Variants in RIC1 observed in about 807,000 individuals in gnomAD.
The protein encoded by RIC1 is guanine nucleotide exchange factor subunit RIC1.
In RIC1, 88 loss-of-function variants were observed where a neutral mutation model predicts 169.0. That is an observed-to-expected ratio of 0.52 (90% CI 0.44 to 0.62). The LOEUF (loss-of-function observed/expected upper bound fraction) is 0.62, where lower values mean the gene tolerates loss of function less well. Among genes scored for constraint, RIC1 ranks in the 20% least tolerant of loss-of-function variants. The pLI is 0.00. For synonymous variants in RIC1, 790 were observed against 601.5 expected (o/e 1.31, Z -4.59); for missense variants, 1,877 against 1,725.5 (o/e 1.09, Z -1.56).
rs974445563 is a variant in RIC1 at position 5,775,478 on chromosome 9, A to G, written c.*1232A>G. On this transcript the variant is annotated 3_prime_UTR_variant, in exon 26 of 26. Transcript: ENST00000414202. ...TTGTTTGTACTGTGCAATTTGAACA[A>G]GGAATGCAATGTTATTTTTTACAAA... 1 of 152,190 alleles carries G rather than the reference A, an allele frequency of 6.6e-6. No individual in the cohort carries two copies. The highest frequency in any genetic ancestry group is 1.5e-5 in the Non-Finnish European group (1 of 68,036). The allele number at this position is 152,190 out of a possible 1,614,324, so 9.4% of individuals were successfully genotyped here.
At chr9:5,678,705 T>C (rs1820611481) in intron 2 of RIC1, among the ~76,000 whole-genome samples, 1 of 152,246 alleles carries the variant, frequency 6.6e-6, no homozygotes, top group Non-Finnish European at 1.5e-5. Context: ...GTTTTTTTCT[T>C]GTAAATTTGT....
intron 6 of RIC1, among the ~76,000 whole-genome samples, chr9:5,730,242 G>C (rs1455448473): frequency 1.3e-5 from 2 of 152,118 alleles, no homozygotes; most frequent in Non-Finnish European, 2.9e-5. Context: ...AACCTCCTGA[G>C]GACTAAAAGA....
At chr9:5,737,622 A>G (rs1232519772) in intron 7 of RIC1, among the ~76,000 whole-genome samples, 3 of 144,582 alleles carry the variant, frequency 2.1e-5, no homozygotes, top group Non-Finnish European at 4.5e-5. Flanking sequence ...TTAAACGTAT[A>G]TACTGTTGAC....
At chr9:5,686,736 C>T (rs1424274631) in intron 2 of RIC1, among the ~76,000 whole-genome samples, 2 of 151,748 alleles carry the variant, frequency 1.3e-5, no homozygotes, top group African/African-American at 2.4e-5. Flanking sequence ...ATGTAACTAA[C>T]CTGCACAATG....
intron 2 of RIC1, among the ~76,000 whole-genome samples, chr9:5,674,119 A>G (rs868568391): frequency 7.2e-5 from 11 of 152,154 alleles, no homozygotes; most frequent in Non-Finnish European, 7.4e-5. Context: ...AGTTTGTGCA[A>G]ATGTCCCTGG....
chr9:5,713,308 G>A (rs1429266440), intron 3 of RIC1: 2 of 152,256 alleles, frequency 1.3e-5, no homozygotes, highest in Admixed American at 1.3e-4. Flanking sequence ...GTTCAGTTAA[G>A]TTGGCATTGA....
intron 7 of RIC1, among the ~76,000 whole-genome samples, chr9:5,737,092 CT>C (rs766109993): frequency 3.3e-5 from 5 of 152,182 alleles, no homozygotes; most frequent in Middle Eastern, 3.4e-3. Context: ...CTCTTTCTCA[CT>C]ATAAATGTTG....
intron 1 of RIC1, 136 bp downstream of exon 1, chr9:5,629,589 C>G: frequency 9.8e-7 from 1 of 1,016,036 alleles, no homozygotes; most frequent in Non-Finnish European, 1.3e-6. Flanking sequence ...TCCGCGTCCT[C>G]GTTCCACCGA....
At chr9:5,754,776 A>G (rs895448463) in intron 14 of RIC1, 65 bp from the exon 15 acceptor site, 4 of 946,930 alleles carry the variant, frequency 4.2e-6, no homozygotes, top group South Asian at 1.8e-5. Flanking sequence ...ATTTTTATAA[A>G]TATATTACTT....
intron 3 of RIC1, among the ~76,000 whole-genome samples, chr9:5,691,356 C>G (rs1435429965): frequency 1.3e-5 from 2 of 151,968 alleles, no homozygotes; most frequent in African/African-American, 4.8e-5. Flanking sequence ...TTCTGCTTTT[C>G]AACTCTTAAA....
At chr9:5,702,055 A>G (rs1467875846) in intron 3 of RIC1, among the ~76,000 whole-genome samples, 6 of 152,186 alleles carry the variant, frequency 3.9e-5, no homozygotes, top group Non-Finnish European at 8.8e-5. Flanking sequence ...ATACAAGGCA[A>G]TGGTGTGAAT....
chr9:5,683,165 C>G (rs1030174974), intron 2 of RIC1, among the ~76,000 whole-genome samples: 1 of 152,186 alleles, frequency 6.6e-6, no homozygotes, highest in African/African-American at 2.4e-5. Flanking sequence ...CATTTTCCAT[C>G]AAGCTTTGTT....
chr9:5,755,814 T>C (rs544354652), intron 15 of RIC1, among the ~76,000 whole-genome samples: 2 of 152,124 alleles, frequency 1.3e-5, no homozygotes, highest in East Asian at 3.9e-4. Flanking sequence ...TCCCAGCTAC[T>C]TGGGAAGCTG....
intron 1 of RIC1, among the ~76,000 whole-genome samples, chr9:5,649,133 TAAAAA>T (rs1189200910): frequency 1.3e-5 from 2 of 151,234 alleles, no homozygotes; most frequent in Admixed American, 1.3e-4. Flanking sequence ...GACCCTATCT[TAAAAA>T]AGAAAAAAAA....
At chr9:5,726,632 C>T (rs1295073062) in intron 6 of RIC1, among the ~76,000 whole-genome samples, 1 of 152,156 alleles carries the variant, frequency 6.6e-6, no homozygotes, top group African/African-American at 2.4e-5. Context: ...TTAGTTGATG[C>T]AGTTTCTTCC....
Position 5,774,231 on chromosome 9 carries a change from C to G in RIC1, c.4257C>G (p.Asp1419Glu). The change falls in exon 26 of 26, where the codon GAC becomes GAG. Residue 1419 changes from aspartate to glutamate, a missense_variant. Physicochemically the swap from Asp to Glu is conservative, Grantham distance 45 (BLOSUM62 2). Transcript: ENST00000414202. ...EEEPFQDGTY[D>E]CSVS ...AACCTTTTCAGGATGGGACTTACGA[C>G]TGTTCTGTGTCCTAACAGTGAGGTT... 1.2e-6 allele frequency: 2 copies of G among 1,609,174 alleles called. No homozygotes were observed. Among genetic ancestry groups the G allele is most frequent in the Non-Finnish European group, 1.7e-6 (2 of 1,177,486 alleles).
chr9:5,677,586 A>G (rs1012216434), intron 2 of RIC1, among the ~76,000 whole-genome samples: 1 of 152,098 alleles, frequency 6.6e-6, no homozygotes, highest in African/African-American at 2.4e-5. Context: ...CTCTAGATAT[A>G]TAATAATTTT....
chr9:5,761,102 AC>A (rs1826304014), intron 17 of RIC1, among the ~76,000 whole-genome samples: 1 of 79,188 alleles, frequency 1.3e-5, no homozygotes, highest in Non-Finnish European at 2.7e-5. Context: ...TACCAGCCTC[AC>A]CTTTTTTTTT....
chr9:5,682,746 C>A (rs1820934953), intron 2 of RIC1, among the ~76,000 whole-genome samples: 1 of 152,228 alleles, frequency 6.6e-6, no homozygotes, highest in Admixed American at 6.5e-5. Flanking sequence ...TAATATCCTG[C>A]AGAGTGTTTT....
Sources: allele counts gnomAD v4.1 joint callset (sites outside exome capture counted in the v4.1 genomes callset), GRCh38; gene constraint gnomAD v4.1.1; transcripts MANE v1.5; gene names NCBI Gene and HGNC (gene_info 2026-07-23, HGNC 2026-07-21).